The following MCM10 variants were observed in gnomAD, a reference collection of about 807,000 sequenced individuals.
MCM10 encodes the protein protein MCM10 homolog.
In MCM10, 91 loss-of-function variants were observed where a neutral mutation model predicts 109.9. That is an observed-to-expected ratio of 0.83 (90% CI 0.70 to 0.99). MCM10 has a LOEUF of 0.99. MCM10 is among the 50% of genes least tolerant of loss of function. The probability of loss-of-function intolerance (pLI) is 0.00; values close to 1 mark genes in which losing one functional copy is unlikely to be tolerated. For synonymous variants in MCM10, 380 were observed against 387.2 expected (o/e 0.98, Z 0.22); for missense variants, 1,077 against 1,061.2 (o/e 1.01, Z -0.21).
At chr10:13,169,349 T>A (rs1834040805) in intron 2 of MCM10, among the ~76,000 whole-genome samples, 1 of 152,188 alleles carries the variant, frequency 6.6e-6, no homozygotes, top group African/African-American at 2.4e-5. Context: ...GCACTTAACC[T>A]CACTCCTTGT....
chr10:13,204,566 A>G lies in MCM10; in HGVS notation c.2498+202A>G. On this transcript the variant is annotated intron_variant, in intron 18 of 19. Coordinates refer to ENST00000378714, the MANE Select transcript of MCM10 (RefSeq NM_018518.5). ...CTTTCACTGCTGTCCCCAACACCTA[A>G]TATAGTGCCTGGCCCATAAGGGGTC... The G allele has an allele frequency of 5.3e-6, 3 of 562,924 alleles. No homozygotes were observed. The South Asian group carries it at 7.6e-5, about 14-fold the overall frequency. 34.9% of individuals were successfully genotyped at this position (562,924 alleles called of 1,614,324 possible). A position where few individuals can be genotyped will look rare whatever the true frequency, so the allele number is the denominator to read the frequency against.
At chr10:13,169,221 T>A (rs1450113838) in intron 2 of MCM10, among the ~76,000 whole-genome samples, 1 of 152,200 alleles carries the variant, frequency 6.6e-6, no homozygotes, top group African/African-American at 2.4e-5. Context: ...AATCAGACAT[T>A]GCGTCCTCAA....
intron 9 of MCM10, among the ~76,000 whole-genome samples, chr10:13,188,138 C>CT (rs1196326625): frequency 6.6e-6 from 1 of 151,920 alleles, no homozygotes; most frequent in African/African-American, 2.4e-5. Flanking sequence ...GAGCGAGACT[C>CT]TGTCTCCAAA....
Position 13,172,481 on chromosome 10 carries a change from G to A in MCM10, c.454+1G>A. ...CCAGCCCGTCTGCAAAAATCCCCTG[G>A]TAAGAAGACTGTCATTCTGGCAATC... On this transcript the variant is annotated splice_donor_variant, in intron 4 of 19. Transcript: ENST00000378714. LOFTEE classifies it high-confidence loss of function. This position sits in a 1 kb window ranked among gnomAD's most constrained non-coding sequence, Gnocchi z 5.2. 6.2e-7 allele frequency: 1 copy of A among 1,613,252 alleles called. No individual in the cohort carries two copies. Among genetic ancestry groups the A allele is most frequent in the Non-Finnish European group, 8.5e-7 (1 of 1,179,472 alleles).
intron 14 of MCM10, 38 bp downstream of exon 14, chr10:13,195,307 A>T: frequency 6.7e-7 from 1 of 1,500,730 alleles, no homozygotes; most frequent in South Asian, 1.2e-5. Context: ...TTGAGTTTGC[A>T]TTCTGTAGAG....
chr10:13,179,534 C>G (rs1564384555), intron 6 of MCM10, among the ~76,000 whole-genome samples: 1 of 152,128 alleles, frequency 6.6e-6, no homozygotes, highest in Non-Finnish European at 1.5e-5. Context: ...ACTTTCTGTT[C>G]CAGAAGACTC....
At chr10:13,163,408 A>G (rs1361890781) in intron 1 of MCM10, among the ~76,000 whole-genome samples, 2 of 152,234 alleles carry the variant, frequency 1.3e-5, no homozygotes, top group Non-Finnish European at 2.9e-5. Flanking sequence ...GAGCACATGT[A>G]AGTTAAATAA....
chr10:13,165,196 G>C (rs962797202), intron 2 of MCM10, among the ~76,000 whole-genome samples: 1 of 152,176 alleles, frequency 6.6e-6, no homozygotes, highest in Non-Finnish European at 1.5e-5. Context: ...GGCACAGTGA[G>C]AGATGAACAA....
intron 10 of MCM10, among the ~76,000 whole-genome samples, chr10:13,190,977 A>G (rs1214179630): frequency 1.3e-5 from 2 of 152,086 alleles, no homozygotes; most frequent in Non-Finnish European, 2.9e-5. Flanking sequence ...AATATCCTAA[A>G]TTTTTGCATA....
At chr10:13,168,041 C>T (rs149414350) in intron 2 of MCM10, among the ~76,000 whole-genome samples, 13 of 152,282 alleles carry the variant, frequency 8.5e-5, no homozygotes, top group South Asian at 2.1e-4. Flanking sequence ...GATTAGCCCT[C>T]GTTCTCTTGT....
intron 13 of MCM10, 61 bp from the exon 14 acceptor site, chr10:13,194,980 G>A (rs966278258): frequency 1.3e-5 from 20 of 1,512,524 alleles, no homozygotes; most frequent in Non-Finnish European, 1.8e-5. Context: ...TCCACTTTGA[G>A]TTCTAGAGTT....
At chr10:13,199,087 A>C (rs1321933606) in intron 16 of MCM10, among the ~76,000 whole-genome samples, 1 of 152,098 alleles carries the variant, frequency 6.6e-6, no homozygotes. Flanking sequence ...GTAGGGACAG[A>C]GTTTCACCGT....
chr10:13,183,184 A>T, intron 8 of MCM10, 84 bp downstream of exon 8: 1 of 1,455,024 alleles, frequency 6.9e-7, no homozygotes, highest in Non-Finnish European at 9.4e-7. Context: ...TGCAGCACAC[A>T]GTGGCTCACA....
rs746137698 is a variant in MCM10 at position 13,170,905 on chromosome 10, CTCT to C, written c.8-12_8-10del. ...TAGCCGTGCTTATTCTCTGTCCTTT[CTCT>C]TCTTTTCCCCTAGAGGAGGAAGACA... On this transcript the variant is annotated splice_polypyrimidine_tract_variant and intron_variant, in intron 2 of 19. Coordinates refer to ENST00000378714, the MANE Select transcript of MCM10 (RefSeq NM_018518.5). The C allele has an allele frequency of 1.2e-6, 2 of 1,602,720 alleles. No homozygotes were observed. Among genetic ancestry groups the C allele is most frequent in the East Asian group, 2.2e-5 (1 of 44,750 alleles).
intron 18 of MCM10, among the ~76,000 whole-genome samples, chr10:13,207,425 C>A (rs947161203): frequency 6.6e-6 from 1 of 152,002 alleles, no homozygotes; most frequent in Non-Finnish European, 1.5e-5. Context: ...GAACCAGTCT[C>A]TAGAGGTGGA....
chr10:13,205,758 G>A (rs140870104), intron 18 of MCM10, among the ~76,000 whole-genome samples: 1,696 of 152,198 alleles, frequency 0.011, 111 homozygotes, highest in Admixed American at 0.1. Context: ...GTGTTTTTCC[G>A]AATACTTTGG....
chr10:13,201,399 T>G (rs891320939), intron 16 of MCM10, 22 bp from the exon 17 acceptor site: 3 of 1,535,220 alleles, frequency 2.0e-6, no homozygotes, highest in Non-Finnish European at 2.7e-6. Flanking sequence ...ACCAGGTCTT[T>G]CATTATGCCC....
Position 13,188,972 on chromosome 10 carries a change from G to A in MCM10, c.1307G>A (p.Gly436Glu). 6.2e-7 allele frequency: 1 copy of A among 1,614,228 alleles called. No homozygotes were observed. Among genetic ancestry groups the A allele is most frequent in the Non-Finnish European group, 8.5e-7 (1 of 1,180,042 alleles). ...RADLQSTFSG[G>E]RIPKKFARRG... ...GATCTGCAGTCCACCTTCTCTGGAGGACGAATTCCAAAGAAGTTTGCCCGC... is the reference window on the plus strand; with the variant it reads ...GATCTGCAGTCCACCTTCTCTGGAGAACGAATTCCAAAGAAGTTTGCCCGC... Residue 436 changes from glycine to glutamate, a missense_variant, in exon 10 of 20, where the codon GGA (glycine) becomes GAA (glutamate). Transcript: ENST00000378714.
chr10:13,192,119 T>C, intron 11 of MCM10, 136 bp from the exon 12 acceptor site: 1 of 606,568 alleles, frequency 1.6e-6, no homozygotes, highest in Non-Finnish European at 2.9e-6. Flanking sequence ...AGGATTCTTT[T>C]CTTTCCTCTT....
Sources: allele counts gnomAD v4.1 joint callset (sites outside exome capture counted in the v4.1 genomes callset), GRCh38; gene constraint gnomAD v4.1.1; non-coding constraint Gnocchi (gnomAD v3.1); transcripts MANE v1.5; gene names NCBI Gene and HGNC (gene_info 2026-07-23, HGNC 2026-07-21).